The following ZBED6 variants were observed in gnomAD, a reference collection of about 807,000 sequenced individuals.
ZBED6 encodes the protein zinc finger BED domain-containing protein 6.
In ZBED6, 40 loss-of-function variants were observed where a neutral mutation model predicts 58.4. That is an observed-to-expected ratio of 0.68 (90% CI 0.53 to 0.89). The LOEUF (loss-of-function observed/expected upper bound fraction) is 0.89, where lower values mean the gene tolerates loss of function less well. Among genes scored for constraint, ZBED6 ranks in the 40% least tolerant of loss-of-function variants. The probability of loss-of-function intolerance (pLI) is 0.00; values close to 1 mark genes in which losing one functional copy is unlikely to be tolerated. For synonymous variants in ZBED6, 439 were observed against 350.6 expected, an observed-to-expected ratio of 1.25 and a Z score of -2.82; for missense variants, 1,057 against 1,003.9, an observed-to-expected ratio of 1.05 and a Z score of -0.71.
exon 1 of ZBED6, chr1:203,802,197 G>A (rs936752310): frequency 5.9e-5 from 9 of 152,486 alleles, no homozygotes; most frequent in African/African-American, 2.2e-4. Context: ...CCCTGATGAC[G>A]ATGATGGATA....
At chr1:203,809,606 G>A (rs889473374) in intron 1 of ZBED6, among the ~76,000 whole-genome samples, 2 of 152,096 alleles carry the variant, frequency 1.3e-5, no homozygotes, top group Non-Finnish European at 2.9e-5. Context: ...GGTTGAGAAA[G>A]GTCCCATTAT....
chr1:203,810,423 G>GTTTT lies in ZBED6; in HGVS notation c.*2555-6492_*2555-6489dup, dbSNP rs765335556. Among the ~76,000 whole-genome samples the GTTTT allele has an allele frequency of 1.2e-3, 171 of 138,786 alleles. 1 individual carries two copies. Among genetic ancestry groups the GTTTT allele is most frequent in the East Asian group, 6.6e-3 (31 of 4,668 alleles). 91.0% of individuals were successfully genotyped at this position (138,786 alleles called of 152,430 possible). A position where few individuals can be genotyped will look rare whatever the true frequency, so the allele number is the denominator to read the frequency against. On this transcript the variant is annotated intron_variant, in intron 1 of 16. Transcript: ENST00000550078. ...TCTTGTTTTACATTGTAGCTGTTAG[G>GTTTT]TTTTTTTTTTTTTTGAGACAGAGTC...
At chr1:203,797,704 A>T in exon 1 of ZBED6, 2 of 1,534,972 alleles carry the variant, frequency 1.3e-6, no homozygotes, top group Non-Finnish European at 1.7e-6. Context: ...CAGCCTGCTA[A>T]AAAGAAAAGA....
intron 3 of ZBED6, 85 bp from the exon 4 acceptor site, chr1:203,828,214 A>G (rs994437914): frequency 3.2e-6 from 5 of 1,540,176 alleles, no homozygotes; most frequent in Admixed American, 1.8e-5. Flanking sequence ...TGAACCCTGT[A>G]TGAACTTTGT....
intron 3 of ZBED6, among the ~76,000 whole-genome samples, chr1:203,826,673 C>A: frequency 6.6e-6 from 1 of 152,120 alleles, no homozygotes; most frequent in Non-Finnish European, 1.5e-5. Context: ...CTCTCTTCTC[C>A]ATATTCTTAA....
At chr1:203,798,137 A>G (rs1405528224) in exon 1 of ZBED6, 2 of 1,535,994 alleles carry the variant, frequency 1.3e-6, no homozygotes, top group East Asian at 2.4e-5. Flanking sequence ...ATGTGTCTTT[A>G]TCTCCCTCTT....
intron 8 of ZBED6, among the ~76,000 whole-genome samples, chr1:203,832,889 C>G (rs1177735341): frequency 6.6e-6 from 1 of 152,170 alleles, no homozygotes; most frequent in African/African-American, 2.4e-5. Flanking sequence ...AGCTTTATAA[C>G]CAATTGGTTA....
intron 1 of ZBED6, chr1:203,805,621 T>G: frequency 1.5e-6 from 1 of 679,268 alleles, no homozygotes; most frequent in Non-Finnish European, 2.8e-6. Flanking sequence ...TGCAAATGTA[T>G]GAAGCAGGGA....
At chr1:203,852,170 C>T (rs748301183) in exon 17 of ZBED6, 3 of 1,613,690 alleles carry the variant, frequency 1.9e-6, no homozygotes, top group Non-Finnish European at 2.5e-6. Flanking sequence ...CAGTCCTCTT[C>T]AGATTCCTCA....
At chr1:203,847,346 G>C in exon 12 of ZBED6, 2 of 1,613,792 alleles carry the variant, frequency 1.2e-6, no homozygotes, top group Non-Finnish European at 8.5e-7. Context: ...TCCACTATCC[G>C]TATCAAAACC....
At chr1:203,804,004 C>T (rs1156415806) in intron 1 of ZBED6, among the ~76,000 whole-genome samples, 1 of 152,092 alleles carries the variant, frequency 6.6e-6, no homozygotes, top group East Asian at 1.9e-4. Context: ...TCGATGTGTG[C>T]ATTATTTTTT....
intron 1 of ZBED6, among the ~76,000 whole-genome samples, chr1:203,815,559 G>A (rs941238342): frequency 3.9e-5 from 6 of 151,908 alleles, no homozygotes; most frequent in African/African-American, 1.5e-4. Flanking sequence ...CATTTATTGT[G>A]CATTGTTACC....
chr1:203,797,928 T>C, exon 1 of ZBED6: 2 of 1,536,132 alleles, frequency 1.3e-6, no homozygotes, highest in Non-Finnish European at 1.7e-6. Context: ...CTCCATTGTG[T>C]GGCACTTCTT....
At chr1:203,831,749 A>G (rs745660638) in exon 8 of ZBED6, 7 of 1,612,506 alleles carry the variant, frequency 4.3e-6, no homozygotes, top group African/African-American at 4.0e-5. Context: ...TGGTGAGGAC[A>G]GTAACTCTCT....
At position 203,805,487 on chromosome 1, in the gene ZBED6, A is replaced by C. The variant is rs1672013036; in HGVS notation, c.*2554+2471A>C. ...CCCAAGCAATGAGTCTCAAAGGAAA[A>C]AAATAGAAGAGCAATGTAATTAAAC... On this transcript the variant is annotated intron_variant, in intron 1 of 16. Coordinates refer to ENST00000550078, the Ensembl canonical transcript of ZBED6. The C allele has an allele frequency of 9.5e-6, 4 of 422,148 alleles. No homozygotes were observed. The Admixed American group carries it at 1.2e-4, about 13-fold the overall frequency. 26.2% of individuals were successfully genotyped at this position (422,148 alleles called of 1,614,324 possible).
At chr1:203,817,265 GATA>G (rs1676663719) in intron 2 of ZBED6, 141 bp downstream of exon 2, 1 of 602,852 alleles carries the variant, frequency 1.7e-6, no homozygotes, top group Non-Finnish European at 2.7e-6. Flanking sequence ...TTTTTTAAAG[GATA>G]ATGTATTTAG....
chr1:203,824,830 A>G (rs1464748256), intron 3 of ZBED6, among the ~76,000 whole-genome samples: 2 of 152,212 alleles, frequency 1.3e-5, no homozygotes, highest in Non-Finnish European at 2.9e-5. Flanking sequence ...CTGTAATCCC[A>G]GCACTTTGGG....
intron 1 of ZBED6, among the ~76,000 whole-genome samples, chr1:203,812,910 C>T (rs1675002870): frequency 6.6e-6 from 1 of 152,118 alleles, no homozygotes; most frequent in Non-Finnish European, 1.5e-5. Context: ...AAGGAATTTG[C>T]AATCCCTAAT....
At position 203,831,704 on chromosome 1, in the gene ZBED6, C is replaced by T. The variant is rs144917996; in HGVS notation, c.*3443C>T. The T allele has an allele frequency of 2.9e-4, 463 of 1,613,218 alleles. No homozygotes were observed. In the African/African-American group the frequency reaches 5.2e-3, roughly 18 times the overall value. On this transcript the variant is annotated 3_prime_UTR_variant, in exon 8 of 17. Coordinates refer to ENST00000550078, the Ensembl canonical transcript of ZBED6. Reference sequence around the variant, plus strand: ...CCAGTCTTTTACTCCACCCTGAGCCCGTTCCAGGTCCTGAAAAAGAAAATG... The same window carrying T: ...CCAGTCTTTTACTCCACCCTGAGCCTGTTCCAGGTCCTGAAAAAGAAAATG...
Sources: gnomAD v4.1 joint callset for allele counts (sites outside exome capture counted in the v4.1 genomes callset) on GRCh38, gnomAD v4.1.1 for gene constraint, MANE v1.5 for transcripts, NCBI Gene and HGNC (gene_info 2026-07-23, HGNC 2026-07-21) for gene names.